The following PAPPA2 variants were observed in gnomAD, a reference collection of about 807,000 sequenced individuals.
The protein encoded by PAPPA2 is pappalysin 2.
Under a neutral mutation model 176.4 loss-of-function variants are expected in PAPPA2, and 86 were observed. The observed-to-expected ratio is 0.49, with a 90% CI of 0.41 to 0.58. PAPPA2 has a LOEUF of 0.58. Ranked by LOEUF, PAPPA2 falls within the 20% of genes least tolerant of loss-of-function variation. PAPPA2 has a pLI of 0.00. For synonymous variants in PAPPA2, 809 were observed against 852.2 expected, an observed-to-expected ratio of 0.95 and a Z score of 0.88; for missense variants, 2,073 against 2,256.9, an observed-to-expected ratio of 0.92 and a Z score of 1.65.
At chr1:176,638,329 G>A (rs1408008802) in intron 3 of PAPPA2, among the ~76,000 whole-genome samples, 3 of 151,808 alleles carry the variant, frequency 2.0e-5, no homozygotes, top group Admixed American at 6.6e-5. Flanking sequence ...ATTTCCTCTT[G>A]GAAAAAGCCA....
chr1:176,592,726 C>A (rs1437211491), intron 2 of PAPPA2, among the ~76,000 whole-genome samples: 1 of 152,154 alleles, frequency 6.6e-6, no homozygotes, highest in Non-Finnish European at 1.5e-5. Flanking sequence ...GTAACCTCCC[C>A]AGTACTTTCT....
rs182661392 is a variant in PAPPA2 at position 176,753,259 on chromosome 1, C to G, written c.4152-12407C>G. Among the ~76,000 whole-genome samples the G allele has an allele frequency of 3.6e-4, 55 of 152,312 alleles. No individual in the cohort carries two copies. The East Asian group carries it at 9.8e-3, about 27-fold the overall frequency. On this transcript the variant is annotated intron_variant, in intron 14 of 22. Transcript: ENST00000367662. ...GGCACAGCTCAGTACTTTGCCATTCCATCCCTGCTGTAATCAGTCTCTGAG... is the reference window on the plus strand; with the variant it reads ...GGCACAGCTCAGTACTTTGCCATTCGATCCCTGCTGTAATCAGTCTCTGAG...
intron 3 of PAPPA2, among the ~76,000 whole-genome samples, chr1:176,623,758 C>CCTTT (rs71129580): frequency 0.19 from 11,322 of 59,086 alleles, 1,370 homozygotes; most frequent in Non-Finnish European, 0.21. Flanking sequence ...TTCCTTCCTT[C>CCTTT]CTTTCTTTCT....
chr1:176,545,296 C>G (rs547920253), intron 1 of PAPPA2, among the ~76,000 whole-genome samples: 14 of 152,154 alleles, frequency 9.2e-5, no homozygotes, highest in African/African-American at 3.1e-4. Flanking sequence ...TCCCCTATCA[C>G]TTAGGAAATC....
In PAPPA2 at chr1:176,541,943, G is replaced by A. The variant is rs547937249; in HGVS notation, c.-916-13464G>A. 7.2e-5 allele frequency among the ~76,000 whole-genome samples: 11 copies of A among 152,262 alleles called. No individual in the cohort carries two copies. The East Asian group carries it at 7.7e-4, about 11-fold the overall frequency. ...AAATACATAGTGATACACTTTGTTA[G>A]CACTTAATTCAAAATGTCAACATAA... On this transcript the variant is annotated intron_variant, in intron 1 of 22. Transcript: ENST00000367662.
intron 21 of PAPPA2, among the ~76,000 whole-genome samples, chr1:176,838,756 G>A (rs1667371395): frequency 6.6e-6 from 1 of 152,210 alleles, no homozygotes; most frequent in African/African-American, 2.4e-5. Flanking sequence ...TGTGCTGAAA[G>A]CAGAATTCAT....
Position 176,627,613 on chromosome 1 carries a change from T to A in PAPPA2, c.1991+32018T>A, listed in dbSNP as rs535086058. Reference sequence around the variant, plus strand: ...TTATTTTCATTATTTAAAAAATACATTTTTGCATTGTAATTTATCCTTCCC... The same window carrying A: ...TTATTTTCATTATTTAAAAAATACAATTTTGCATTGTAATTTATCCTTCCC... On this transcript the variant is annotated intron_variant, in intron 3 of 22. Coordinates refer to ENST00000367662, the MANE Select transcript of PAPPA2 (RefSeq NM_020318.3). 2.6e-5 allele frequency among the ~76,000 whole-genome samples: 4 copies of A among 152,300 alleles called. No homozygotes were observed. The South Asian group carries it at 8.3e-4, about 32-fold the overall frequency.
intron 1 of PAPPA2, among the ~76,000 whole-genome samples, chr1:176,532,797 C>T (rs1649885251): frequency 6.6e-6 from 1 of 152,214 alleles, no homozygotes; most frequent in African/African-American, 2.4e-5. Flanking sequence ...TTGTTCTCGG[C>T]TCCCTAGATC....
chr1:176,596,993 C>G (rs1654021224), intron 3 of PAPPA2, among the ~76,000 whole-genome samples: 1 of 152,132 alleles, frequency 6.6e-6, no homozygotes, highest in Non-Finnish European at 1.5e-5. Context: ...CAGCTTCCAC[C>G]CAATGTCTTG....
intron 17 of PAPPA2, among the ~76,000 whole-genome samples, chr1:176,778,989 G>C (rs1013949645): frequency 3.9e-5 from 6 of 152,142 alleles, no homozygotes; most frequent in Non-Finnish European, 8.8e-5. Flanking sequence ...GTGCAGGCCA[G>C]ATCTTGACTG....
At chr1:176,615,868 C>T (rs1374702957) in intron 3 of PAPPA2, among the ~76,000 whole-genome samples, 1 of 152,106 alleles carries the variant, frequency 6.6e-6, no homozygotes, top group Non-Finnish European at 1.5e-5. Context: ...GAGATTTTAG[C>T]TCTGTATGGT....
At chr1:176,592,438 A>G (rs956721998) in intron 2 of PAPPA2, among the ~76,000 whole-genome samples, 3 of 152,198 alleles carry the variant, frequency 2.0e-5, no homozygotes, top group African/African-American at 2.4e-5. Context: ...CTAGACTGGT[A>G]TAATCAGAGT....
At chr1:176,587,894 T>A (rs1175837987) in intron 2 of PAPPA2, among the ~76,000 whole-genome samples, 1 of 152,238 alleles carries the variant, frequency 6.6e-6, no homozygotes, top group Non-Finnish European at 1.5e-5. Flanking sequence ...TAAAGTATAA[T>A]AATAAACTTT....
chr1:176,746,575 T>C (rs1346519537), intron 14 of PAPPA2, among the ~76,000 whole-genome samples: 2 of 152,196 alleles, frequency 1.3e-5, no homozygotes, highest in Non-Finnish European at 2.9e-5. Context: ...AAATATAATT[T>C]CTGAATAGAT....
At chr1:176,639,528 A>G (rs1398628674) in intron 3 of PAPPA2, among the ~76,000 whole-genome samples, 1 of 152,068 alleles carries the variant, frequency 6.6e-6, no homozygotes, top group Non-Finnish European at 1.5e-5. Context: ...CAGTAAAGGA[A>G]TAGTTCTAAG....
intron 3 of PAPPA2, among the ~76,000 whole-genome samples, chr1:176,608,170 A>G (rs773636063): frequency 6.6e-6 from 1 of 152,238 alleles, no homozygotes; most frequent in Non-Finnish European, 1.5e-5. Flanking sequence ...GTTTATTTCA[A>G]AAGAAAAAAT....
Position 176,771,047 on chromosome 1 carries a change from C to T in PAPPA2, c.4582C>T (p.Pro1528Ser), listed in dbSNP as rs1175762449. ...CTACTGCAAGTTGGAGTGTGATGCTCCCCCTATTATTCTGAATGCCAACTT... is the reference window on the plus strand; with the variant it reads ...CTACTGCAAGTTGGAGTGTGATGCTTCCCCTATTATTCTGAATGCCAACTT... Reference protein sequence around the residue: ...EVYCKLECDAPPIILNANLLL... With the variant: ...EVYCKLECDASPIILNANLLL... Residue 1528 changes from proline (P) to serine (S), a missense_variant, in exon 17 of 23, where the codon CCC becomes TCC. Pro to Ser is a moderately conservative substitution (Grantham distance 74). Coordinates refer to ENST00000367662, the MANE Select transcript of PAPPA2 (RefSeq NM_020318.3). 2 of 1,614,088 alleles carry T rather than the reference C, an allele frequency of 1.2e-6. No individual in the cohort carries two copies. The highest frequency in any genetic ancestry group is 1.3e-5 in the African/African-American group (1 of 75,016).
At chr1:176,778,000 C>A (rs1009559909) in intron 17 of PAPPA2, among the ~76,000 whole-genome samples, 3 of 151,264 alleles carry the variant, frequency 2.0e-5, no homozygotes, top group Non-Finnish European at 4.4e-5. Flanking sequence ...CACTGTCTCC[C>A]ATCTGTTGTT....
intron 19 of PAPPA2, among the ~76,000 whole-genome samples, chr1:176,792,916 G>C (rs1333140209): frequency 6.6e-6 from 1 of 152,124 alleles, no homozygotes; most frequent in South Asian, 2.1e-4. Context: ...TTTTCTACAA[G>C]AGACCAACAC....
Sources: allele counts gnomAD v4.1 joint callset (sites outside exome capture counted in the v4.1 genomes callset), GRCh38; gene constraint gnomAD v4.1.1; transcripts MANE v1.5; gene names NCBI Gene and HGNC (gene_info 2026-07-23, HGNC 2026-07-21).